Variants in KRAS observed in about 807,000 individuals in gnomAD.
KRAS encodes the protein KRas proto-oncogene, GTPase.
KRAS carries 1 observed loss-of-function variant against 21.0 expected under a neutral mutation model. The ratio of observed to expected loss-of-function variants is 0.05; its 90% CI spans 0.02 to 0.23. The LOEUF (loss-of-function observed/expected upper bound fraction) is 0.23. Among genes scored for constraint, KRAS ranks in the 10% least tolerant of loss-of-function variants. The pLI, the probability that KRAS is intolerant of heterozygous loss-of-function variation, is 1.00. For synonymous variants in KRAS, 67 were observed against 72.5 expected (o/e 0.92, Z 0.39); for missense variants, 107 against 221.8 (o/e 0.48, Z 3.29).
rs140080026 is a variant in KRAS, at chr12:25,209,391, A to G, written c.*404T>C. ...AGTAAAAACCAATTAGAAGGTCTCA[A>G]CTGAAATTAGTAATTAATCCATTTA... On this transcript the variant is annotated 3_prime_UTR_variant, in exon 5 of 5. Coordinates refer to ENST00000311936, the MANE Select transcript of KRAS (RefSeq NM_004985.5). 2,186 of 778,920 alleles carry G rather than the reference A, an allele frequency of 2.8e-3. 73 individuals carry two copies. The Admixed American group carries it at 0.06, about 21-fold the overall frequency. 48.3% of individuals were successfully genotyped at this position (778,920 alleles called of 1,614,324 possible). A position where few individuals can be genotyped will look rare whatever the true frequency, so the allele number is the denominator to read the frequency against.
Position 25,229,193 on chromosome 12 carries a change from AAAGTTATT to A in KRAS, c.112-1789_112-1782del, listed in dbSNP as rs1434406147. On this transcript the variant is annotated intron_variant, in intron 2 of 4. Transcript: ENST00000311936. ...ATGCAAGTGTACATGCTGGTAACAAAAAGTTATTGACAAAACAAAATAATTTCAAAAAT... is the reference window on the plus strand; with the variant it reads ...ATGCAAGTGTACATGCTGGTAACAAAGACAAAACAAAATAATTTCAAAAAT... 5.2e-5 allele frequency among the ~76,000 whole-genome samples: 8 copies of A among 152,382 alleles called. No individual in the cohort carries two copies. The East Asian group carries it at 1.3e-3, about 26-fold the overall frequency.
intron 4 of KRAS, among the ~76,000 whole-genome samples, chr12:25,215,959 G>A (rs1246222136): frequency 7.2e-5 from 11 of 152,008 alleles, no homozygotes; most frequent in African/African-American, 2.4e-4. Flanking sequence ...ATATACTATC[G>A]ATTCCCACAC....
chr12:25,235,265 T>C, intron 2 of KRAS: 2 of 535,722 alleles, frequency 3.7e-6, no homozygotes, highest in East Asian at 3.0e-5. Flanking sequence ...CAATTAATGC[T>C]CAAGTACTTT....
At position 25,228,161 on chromosome 12, in the gene KRAS, A is replaced by AT. The variant is rs371290057; in HGVS notation, c.112-750dup. Among the ~76,000 whole-genome samples, 663 of 116,584 alleles carry AT rather than the reference A, an allele frequency of 5.7e-3. 7 individuals are homozygous for AT. The highest frequency in any genetic ancestry group is 0.019 in the African/African-American group (600 of 31,996). The allele number at this position is 116,584 out of a possible 152,430, so 76.5% of individuals were successfully genotyped here. On this transcript the variant is annotated intron_variant, in intron 2 of 4. Coordinates refer to ENST00000311936, the MANE Select transcript of KRAS (RefSeq NM_004985.5). ...TGCTCACTGGAGCATTTGATTTTGG[A>AT]TTTTTTTTTCTTTCATCTTTTTTTT...
chr12:25,224,638 G>A (rs1387249445), intron 4 of KRAS, among the ~76,000 whole-genome samples: 2 of 151,944 alleles, frequency 1.3e-5, no homozygotes, highest in Non-Finnish European at 2.9e-5. Flanking sequence ...ATAAACTTAG[G>A]GTAGCCCAAG....
At chr12:25,221,343 C>T (rs1951323253) in intron 4 of KRAS, among the ~76,000 whole-genome samples, 1 of 151,082 alleles carries the variant, frequency 6.6e-6, no homozygotes, top group Non-Finnish European at 1.5e-5. Flanking sequence ...AGCAATTCTA[C>T]TGCCTCAGCC....
intron 2 of KRAS, among the ~76,000 whole-genome samples, chr12:25,242,062 G>C (rs1288384125): frequency 6.6e-6 from 1 of 152,050 alleles, no homozygotes; most frequent in Non-Finnish European, 1.5e-5. Flanking sequence ...ATAAACCTTG[G>C]TAAATAAATA....
chr12:25,206,070 TAA>T lies in KRAS; in HGVS notation c.*3723_*3724del, dbSNP rs1462657437. ...TTTTGCTGTCTAAAAAAAAATCCCC[TAA>T]AAAAAGTTATATACTGTTTGAAGAA... is the stretch of plus-strand genomic sequence containing the variant. On this transcript the variant is annotated 3_prime_UTR_variant, in exon 5 of 5. Coordinates refer to ENST00000311936, the MANE Select transcript of KRAS (RefSeq NM_004985.5). The T allele has an allele frequency of 4.8e-6, 1 of 208,060 alleles. No individual in the cohort carries two copies. Among genetic ancestry groups the T allele is most frequent in the Non-Finnish European group, 9.7e-6 (1 of 102,864 alleles). 12.9% of individuals were successfully genotyped at this position (208,060 alleles called of 1,614,324 possible).
chr12:25,223,768 C>T (rs1357951160), intron 4 of KRAS, among the ~76,000 whole-genome samples: 2 of 152,184 alleles, frequency 1.3e-5, no homozygotes, highest in East Asian at 3.9e-4. Flanking sequence ...TTCTAGAACG[C>T]TTGTTTTTAA....
rs1182879368 is a variant in KRAS, at chr12:25,205,394, T to G, written c.*4401A>C. The G allele has an allele frequency of 9.3e-6, 2 of 215,498 alleles. No homozygotes were observed. The highest frequency in any genetic ancestry group is 2.3e-5 in the African/African-American group (1 of 44,396). The allele number at this position is 215,498 out of a possible 1,614,324, so 13.3% of individuals were successfully genotyped here. On this transcript the variant is annotated 3_prime_UTR_variant, in exon 5 of 5. Transcript: ENST00000311936. The stretch of plus-strand genomic sequence containing the variant: ...ATTAAAAGAGTGGTCATTTTTAATG[T>G]TTGATATGACCAACATTCCTAGGTC...
At chr12:25,225,289 T>TTTTTAC (rs1951376896) in intron 4 of KRAS, 1 of 135,730 alleles carries the variant, frequency 7.4e-6, no homozygotes, top group Non-Finnish European at 1.6e-5. Flanking sequence ...CTGTTCTTTA[T>TTTTTAC]ATATATATAT....
intron 4 of KRAS, among the ~76,000 whole-genome samples, chr12:25,214,173 G>C (rs926180815): frequency 3.9e-5 from 6 of 152,148 alleles, no homozygotes; most frequent in Non-Finnish European, 5.9e-5. Context: ...TAATTAGTAA[G>C]ACTAGGGATA....
At chr12:25,238,176 G>A (rs945048493) in intron 2 of KRAS, among the ~76,000 whole-genome samples, 3 of 152,174 alleles carry the variant, frequency 2.0e-5, no homozygotes, top group African/African-American at 4.8e-5. Context: ...GTACTAGAGA[G>A]AATTAAGTGT....
chr12:25,235,570 A>G (rs1951534114), intron 2 of KRAS, among the ~76,000 whole-genome samples: 3 of 152,184 alleles, frequency 2.0e-5, no homozygotes, highest in African/African-American at 4.8e-5. Flanking sequence ...ACGTAAATAA[A>G]TAATTAAAAT....
intron 4 of KRAS, chr12:25,215,599 T>C (rs746697821): frequency 5.9e-6 from 9 of 1,531,044 alleles, no homozygotes; most frequent in Admixed American, 1.7e-5. Flanking sequence ...GTCTGTTGCA[T>C]TGGTAAGAGT....
At chr12:25,232,277 A>T (rs1951483861) in intron 2 of KRAS, among the ~76,000 whole-genome samples, 1 of 152,226 alleles carries the variant, frequency 6.6e-6, no homozygotes. Context: ...ATTGCCCATT[A>T]GCTAGGAATA....
intron 1 of KRAS, among the ~76,000 whole-genome samples, chr12:25,248,160 C>A (rs1951709619): frequency 6.6e-6 from 1 of 152,006 alleles, no homozygotes; most frequent in Admixed American, 6.5e-5. Context: ...TGTGCCCGGC[C>A]CCTTCGATAA....
chr12:25,230,261 TA>T (rs1951448541), intron 2 of KRAS, among the ~76,000 whole-genome samples: 1 of 152,188 alleles, frequency 6.6e-6, no homozygotes, highest in African/African-American at 2.4e-5. Flanking sequence ...ACAAATCTAC[TA>T]TGTGTTTAAA....
chr12:25,221,350 A>G (rs1184674730), intron 4 of KRAS, among the ~76,000 whole-genome samples: 1 of 151,200 alleles, frequency 6.6e-6, no homozygotes, highest in Admixed American at 6.6e-5. Flanking sequence ...CTACTGCCTC[A>G]GCCCCTTGAG....
Sources: gnomAD v4.1 joint callset for allele counts (sites outside exome capture counted in the v4.1 genomes callset) on GRCh38, gnomAD v4.1.1 for gene constraint, MANE v1.5 for transcripts, NCBI Gene and HGNC (gene_info 2026-07-23, HGNC 2026-07-21) for gene names.